Variants in GPR158 observed in about 807,000 individuals in gnomAD.
The protein encoded by GPR158 is metabotropic glycine receptor.
In GPR158, 30 loss-of-function variants were observed where a neutral mutation model predicts 78.2. The ratio of observed to expected loss-of-function variants is 0.38; its 90% CI spans 0.29 to 0.52. GPR158 has a LOEUF of 0.52. Among genes scored for constraint, GPR158 ranks in the 20% least tolerant of loss-of-function variants. The pLI, the probability that GPR158 is intolerant of heterozygous loss-of-function variation, is 0.83. For synonymous variants in GPR158, 581 were observed against 591.1 expected, an observed-to-expected ratio of 0.98 and a Z score of 0.25; for missense variants, 1,463 against 1,523.5, an observed-to-expected ratio of 0.96 and a Z score of 0.66.
At chr10:25,194,515 G>T (rs999716170) in intron 1 of GPR158, among the ~76,000 whole-genome samples, 6 of 152,068 alleles carry the variant, frequency 3.9e-5, no homozygotes, top group African/African-American at 1.4e-4. Flanking sequence ...CTCTAGCCTG[G>T]GTGACAGAGC....
Position 25,466,737 on chromosome 10 carries a change from GTT to G in GPR158, c.1404+22_1404+23del. ...ACTTTCCAGTAAGTAACAGAATTTT[GTT>G]TTTAAAGTAGAAATTTATTTTATGT... On this transcript the variant is annotated intron_variant, in intron 5 of 10. Coordinates refer to ENST00000376351, the MANE Select transcript of GPR158 (RefSeq NM_020752.3). The G allele has an allele frequency of 6.9e-7, 1 of 1,458,668 alleles. No homozygotes were observed. Among genetic ancestry groups the G allele is most frequent in the Non-Finnish European group, 9.5e-7 (1 of 1,052,744 alleles). The allele number at this position is 1,458,668 out of a possible 1,614,324, so 90.4% of individuals were successfully genotyped here.
intron 2 of GPR158, among the ~76,000 whole-genome samples, chr10:25,254,398 C>T (rs1406254665): frequency 2.0e-5 from 3 of 152,036 alleles, no homozygotes; most frequent in African/African-American, 4.8e-5. Flanking sequence ...AAGCTTATCA[C>T]CTGAAAAAAC....
At chr10:25,431,495 C>T (rs1353598269) in intron 4 of GPR158, among the ~76,000 whole-genome samples, 5 of 142,034 alleles carry the variant, frequency 3.5e-5, no homozygotes, top group Non-Finnish European at 7.7e-5. Flanking sequence ...TTGACCCAGC[C>T]ATCCCATTAC....
intron 2 of GPR158, among the ~76,000 whole-genome samples, chr10:25,238,455 A>G (rs1342165525): frequency 2.0e-5 from 3 of 152,252 alleles, no homozygotes; most frequent in Non-Finnish European, 4.4e-5. Context: ...TGGAATCACA[A>G]CATCTTTTAT....
intron 4 of GPR158, among the ~76,000 whole-genome samples, chr10:25,432,543 G>T (rs1217657911): frequency 2.0e-5 from 3 of 152,094 alleles, no homozygotes; most frequent in Non-Finnish European, 1.5e-5. Flanking sequence ...TTCAAAATTG[G>T]GTTAGGTCAT....
At chr10:25,356,686 T>C (rs1855559133) in intron 2 of GPR158, among the ~76,000 whole-genome samples, 1 of 152,132 alleles carries the variant, frequency 6.6e-6, no homozygotes, top group African/African-American at 2.4e-5. Context: ...CTGCCATGAT[T>C]GTGAGGCCTC....
intron 5 of GPR158, among the ~76,000 whole-genome samples, chr10:25,522,320 G>A (rs1836288571): frequency 6.6e-6 from 1 of 152,228 alleles, no homozygotes; most frequent in African/African-American, 2.4e-5. Flanking sequence ...GTCAGGGAAT[G>A]TAATAAATCG....
In GPR158 at chr10:25,599,396, A is replaced by G. The variant is rs1480078205; in HGVS notation, c.*122A>G. On this transcript the variant is annotated 3_prime_UTR_variant, in exon 11 of 11. Coordinates refer to ENST00000376351, the MANE Select transcript of GPR158 (RefSeq NM_020752.3). ...AGGAAAACATGACAGATGGTGAGGT[A>G]AAGTCAAAGGCATGGGTAGAAGAGG... The G allele has an allele frequency of 3.0e-5, 23 of 766,046 alleles. No homozygotes were observed. Among genetic ancestry groups the G allele is most frequent in the Non-Finnish European group, 4.6e-5 (22 of 481,366 alleles). 47.5% of individuals were successfully genotyped at this position (766,046 alleles called of 1,614,324 possible).
At chr10:25,549,589 T>G (rs575285735) in intron 5 of GPR158, among the ~76,000 whole-genome samples, 1 of 152,152 alleles carries the variant, frequency 6.6e-6, no homozygotes, top group Non-Finnish European at 1.5e-5. Flanking sequence ...TGTGAAGTAA[T>G]AAAGTTGAAT....
chr10:25,288,189 C>T (rs982314797), intron 2 of GPR158, among the ~76,000 whole-genome samples: 3 of 152,202 alleles, frequency 2.0e-5, no homozygotes, highest in African/African-American at 7.2e-5. Context: ...ACTGTGAGGT[C>T]AACCACTTGC....
chr10:25,266,803 T>C (rs1290044107), intron 2 of GPR158, among the ~76,000 whole-genome samples: 1 of 152,094 alleles, frequency 6.6e-6, no homozygotes, highest in Non-Finnish European at 1.5e-5. Context: ...TTATGATGAG[T>C]GTTAGAATGA....
chr10:25,313,289 C>T (rs907245176), intron 2 of GPR158, among the ~76,000 whole-genome samples: 1 of 150,234 alleles, frequency 6.7e-6, no homozygotes, highest in Non-Finnish European at 1.5e-5. Flanking sequence ...AGGAGATATA[C>T]CTAATGCTAA....
At chr10:25,537,095 A>C (rs1427935867) in intron 5 of GPR158, among the ~76,000 whole-genome samples, 1 of 152,250 alleles carries the variant, frequency 6.6e-6, no homozygotes, top group Non-Finnish European at 1.5e-5. Flanking sequence ...GATTGTAATC[A>C]ATCTAAAGTA....
intron 5 of GPR158, among the ~76,000 whole-genome samples, chr10:25,515,009 G>A (rs1394182440): frequency 6.6e-6 from 1 of 151,932 alleles, no homozygotes; most frequent in East Asian, 1.9e-4. Context: ...TGATCTTTTT[G>A]TGATAAATTT....
intron 2 of GPR158, among the ~76,000 whole-genome samples, chr10:25,271,414 A>T (rs12766779): frequency 6.6e-6 from 1 of 152,196 alleles, no homozygotes; most frequent in African/African-American, 2.4e-5. Flanking sequence ...CTAAACATTA[A>T]CAGCAACTCA....
In GPR158 at chr10:25,190,394, G is replaced by A. The variant is rs529679677; in HGVS notation, c.902+14072G>A. On this transcript the variant is annotated intron_variant, in intron 1 of 10. Coordinates refer to ENST00000376351, the MANE Select transcript of GPR158 (RefSeq NM_020752.3). ...GTCACCCAGGCTGGAGTGCAATGGC[G>A]TAAATACAACACACTGCAGCCTCAA... Among the ~76,000 whole-genome samples, 78 of 152,118 alleles carry A rather than the reference G, an allele frequency of 5.1e-4. No individual in the cohort carries two copies. The South Asian group carries it at 7.3e-3, about 14-fold the overall frequency.
At chr10:25,459,617 C>T (rs571837363) in intron 4 of GPR158, among the ~76,000 whole-genome samples, 114 of 152,184 alleles carry the variant, frequency 7.5e-4, no homozygotes, top group African/African-American at 2.6e-3. Context: ...TAATAATAAG[C>T]CATTTTAATT....
intron 5 of GPR158, among the ~76,000 whole-genome samples, chr10:25,490,336 C>T (rs1050117367): frequency 2.0e-5 from 3 of 148,574 alleles, no homozygotes. Context: ...TACATGTGCA[C>T]ATTGTGCAGG....
chr10:25,268,534 A>T (rs1854073158), intron 2 of GPR158, among the ~76,000 whole-genome samples: 1 of 151,996 alleles, frequency 6.6e-6, no homozygotes, highest in African/African-American at 2.4e-5. Context: ...TCCCCCAAAA[A>T]CTCTGAATCG....
Sources: allele counts gnomAD v4.1 joint callset (sites outside exome capture counted in the v4.1 genomes callset), GRCh38; gene constraint gnomAD v4.1.1; transcripts MANE v1.5; gene names NCBI Gene and HGNC (gene_info 2026-07-23, HGNC 2026-07-21).